The following ASAP2 variants were observed in gnomAD, a reference collection of about 807,000 sequenced individuals.
ASAP2 encodes the protein arf-GAP with SH3 domain, ANK repeat and PH domain-containing protein 2.
A neutral mutation model predicts 131.4 loss-of-function variants in ASAP2; 45 were observed. The observed-to-expected ratio is 0.34, with a 90% CI of 0.27 to 0.44. The LOEUF (loss-of-function observed/expected upper bound fraction) is 0.44. Among genes scored for constraint, ASAP2 ranks in the 20% least tolerant of loss-of-function variants. The pLI is 1.00. For missense variants in ASAP2, 1,011 were observed against 1,297.0 expected, an observed-to-expected ratio of 0.78 and a Z score of 3.39; for synonymous variants, 510 against 503.0, an observed-to-expected ratio of 1.01 and a Z score of -0.19.
rs560625142 is a variant in ASAP2 at position 9,280,276 on chromosome 2, G to A, written c.199+887G>A. ...AGTGAAAGGGGTGATTGGAACAGGAGGACAGGGAGTGCCTTAGATGGTCGT... is the reference window on the plus strand; with the variant it reads ...AGTGAAAGGGGTGATTGGAACAGGAAGACAGGGAGTGCCTTAGATGGTCGT... On this transcript the variant is annotated intron_variant, in intron 2 of 27. Transcript: ENST00000281419. Among the ~76,000 whole-genome samples, 10 of 152,280 alleles carry A rather than the reference G, an allele frequency of 6.6e-5. No individual in the cohort carries two copies. The East Asian group carries it at 1.4e-3, about 21-fold the overall frequency.
chr2:9,335,206 G>T (rs1671120558), intron 9 of ASAP2, 27 bp downstream of exon 9: 1 of 1,603,640 alleles, frequency 6.2e-7, no homozygotes, highest in African/African-American at 1.3e-5. Flanking sequence ...TTGAAAGATT[G>T]CAGTTTTCAC....
chr2:9,362,358 C>T lies in ASAP2; in HGVS notation c.1461+3469C>T, dbSNP rs934079412. Among the ~76,000 whole-genome samples the T allele has an allele frequency of 2.0e-5, 3 of 152,248 alleles. No individual in the cohort carries two copies. In the East Asian group the frequency reaches 5.8e-4, roughly 29 times the overall value. On this transcript the variant is annotated intron_variant, in intron 15 of 27. Coordinates refer to ENST00000281419, the MANE Select transcript of ASAP2 (RefSeq NM_003887.3). ...TCCTCTTTTGGGTAAATAGAACAGC[C>T]TCTGTTTCAGGGTGACATGCTGTGA...
chr2:9,211,650 T>G (rs998457341), intron 1 of ASAP2, among the ~76,000 whole-genome samples: 2 of 152,182 alleles, frequency 1.3e-5, no homozygotes, highest in Non-Finnish European at 2.9e-5. Context: ...GGCAATCCCA[T>G]TGCTGTCATA....
At chr2:9,261,865 G>A (rs971649281) in intron 1 of ASAP2, among the ~76,000 whole-genome samples, 12 of 152,326 alleles carry the variant, frequency 7.9e-5, no homozygotes, top group Admixed American at 6.5e-4. Flanking sequence ...ACTCACCCCT[G>A]CACTTAAGAC....
intron 21 of ASAP2, among the ~76,000 whole-genome samples, chr2:9,386,190 A>G (rs896258752): frequency 8.6e-5 from 13 of 151,342 alleles, no homozygotes; most frequent in African/African-American, 3.2e-4. Flanking sequence ...TGTATTGAGG[A>G]TATCTAATTA....
At chr2:9,256,604 A>G (rs781213480) in intron 1 of ASAP2, among the ~76,000 whole-genome samples, 4 of 152,280 alleles carry the variant, frequency 2.6e-5, no homozygotes, top group Non-Finnish European at 4.4e-5. Context: ...ATCTGTTTCT[A>G]TTTACATGTG....
intron 3 of ASAP2, among the ~76,000 whole-genome samples, chr2:9,304,765 G>C (rs1194552535): frequency 6.7e-6 from 1 of 150,128 alleles, no homozygotes; most frequent in Non-Finnish European, 1.5e-5. Context: ...TGTAATAGTG[G>C]GGTATAGATA....
At chr2:9,317,456 G>C (rs940348281) in intron 3 of ASAP2, among the ~76,000 whole-genome samples, 3 of 89,026 alleles carry the variant, frequency 3.4e-5, no homozygotes, top group African/African-American at 1.3e-4. Flanking sequence ...ACACACACAT[G>C]TGCATTCACC....
intron 24 of ASAP2, chr2:9,399,664 G>T: frequency 3.3e-6 from 1 of 307,674 alleles, no homozygotes; most frequent in Non-Finnish European, 6.1e-6. Context: ...TGAGGTTAAG[G>T]TTCAGCCCTG....
At chr2:9,307,882 C>T (rs564682169) in intron 3 of ASAP2, among the ~76,000 whole-genome samples, 23 of 152,148 alleles carry the variant, frequency 1.5e-4, no homozygotes, top group Non-Finnish European at 1.8e-4. Flanking sequence ...ACGGGCTGGG[C>T]GCATCTGTTC....
chr2:9,340,286 G>T lies in ASAP2; in HGVS notation c.850-4246G>T, dbSNP rs139736627. 9.6e-3 allele frequency among the ~76,000 whole-genome samples: 1,463 copies of T among 152,308 alleles called. 36 individuals carry two copies. Among genetic ancestry groups the T allele is most frequent in the African/African-American group, 0.034 (1,396 of 41,560 alleles). On this transcript the variant is annotated intron_variant, in intron 9 of 27. Transcript: ENST00000281419. Reference sequence around the variant, plus strand: ...TCTGCCCGCCTCCGCCTCCCAAAGTGCTGGGATTACAGGCATGAGCCACCG... The same window carrying T: ...TCTGCCCGCCTCCGCCTCCCAAAGTTCTGGGATTACAGGCATGAGCCACCG...
intron 1 of ASAP2, among the ~76,000 whole-genome samples, chr2:9,278,395 C>A (rs1206391797): frequency 2.6e-5 from 4 of 151,958 alleles, no homozygotes; most frequent in Admixed American, 2.0e-4. Flanking sequence ...CCCCTGTAAT[C>A]CCAGCTACTT....
intron 1 of ASAP2, among the ~76,000 whole-genome samples, chr2:9,260,186 A>G (rs908739591): frequency 1.3e-5 from 2 of 152,242 alleles, no homozygotes; most frequent in African/African-American, 4.8e-5. Context: ...TTTTAAGGAT[A>G]GGAACACTGA....
chr2:9,375,679 T>G (rs1292738468), intron 17 of ASAP2, among the ~76,000 whole-genome samples: 2 of 152,234 alleles, frequency 1.3e-5, no homozygotes, highest in Non-Finnish European at 2.9e-5. Flanking sequence ...AGTGGTTTAT[T>G]CTTACACCAA....
intron 2 of ASAP2, among the ~76,000 whole-genome samples, chr2:9,291,756 G>A (rs1471486297): frequency 2.0e-5 from 3 of 152,120 alleles, no homozygotes; most frequent in Non-Finnish European, 4.4e-5. Flanking sequence ...GGGTTTGGAG[G>A]GTCTTTGTTG....
intron 3 of ASAP2, among the ~76,000 whole-genome samples, chr2:9,304,538 T>G (rs963323597): frequency 4.7e-5 from 6 of 127,746 alleles, no homozygotes; most frequent in Non-Finnish European, 6.7e-5. Flanking sequence ...TGTACATAGG[T>G]GGGAGGGCTG....
Position 9,388,425 on chromosome 2 carries a change from G to T in ASAP2, c.2262G>T (p.Met754Ile), listed in dbSNP as rs200731060. The T allele has an allele frequency of 8.2e-5, 132 of 1,614,002 alleles. No individual in the cohort carries two copies. The highest frequency in any genetic ancestry group is 1.0e-4 in the Non-Finnish European group (123 of 1,180,022). The change falls in exon 22 of 28, where the codon ATG (methionine) becomes ATT (isoleucine). Residue 754 changes from methionine to isoleucine, a missense_variant. Physicochemically the swap from Met to Ile is conservative, Grantham distance 10. Around this residue, in one of 2 missense-constraint regions of ASAP2, gnomAD observed 652 missense variants for 698.9 expected, o/e 0.93. Transcript: ENST00000281419. ...CCAAGGAGAAGCAGAGGGCTTTCAT[G>T]CCCAGCATCTTGCAGAATGAGACTT... Reference protein sequence around the residue: ...NLAKEKQRAFMPSILQNETYG... With the variant: ...NLAKEKQRAFIPSILQNETYG...
At chr2:9,349,252 T>C (rs1672176489) in intron 11 of ASAP2, among the ~76,000 whole-genome samples, 1 of 152,176 alleles carries the variant, frequency 6.6e-6, no homozygotes, top group South Asian at 2.1e-4. Flanking sequence ...ACCTTAGATA[T>C]AGGAGTTATT....
intron 21 of ASAP2, among the ~76,000 whole-genome samples, chr2:9,387,154 C>T (rs1675337778): frequency 7.1e-6 from 1 of 141,050 alleles, no homozygotes; most frequent in Non-Finnish European, 1.5e-5. Flanking sequence ...GCGGAGCTTG[C>T]AGTGAGCTGG....
Sources: gnomAD v4.1 joint callset for allele counts (sites outside exome capture counted in the v4.1 genomes callset) on GRCh38, gnomAD v4.1.1 for gene constraint, gnomAD v4.1.1 regional missense constraint, MANE v1.5 for transcripts, NCBI Gene and HGNC (gene_info 2026-07-23, HGNC 2026-07-21) for gene names.